The following NDFIP2 variants were observed in gnomAD, a reference collection of about 807,000 sequenced individuals.
NDFIP2 encodes Nedd4 family interacting protein 2.
NDFIP2 carries 19 observed loss-of-function variants against 36.0 expected under a neutral mutation model. That is an observed-to-expected ratio of 0.53 (90% CI 0.37 to 0.77). NDFIP2 has a LOEUF of 0.77. Ranked by LOEUF, NDFIP2 falls within the 30% of genes least tolerant of loss-of-function variation. The probability of loss-of-function intolerance (pLI) is 0.00; values close to 1 mark genes in which losing one functional copy is unlikely to be tolerated. For synonymous variants in NDFIP2, 181 were observed against 167.7 expected (o/e 1.08, Z -0.61); for missense variants, 446 against 435.8 (o/e 1.02, Z -0.21).
intron 1 of NDFIP2, among the ~76,000 whole-genome samples, chr13:79,490,676 C>T (rs1333594111): frequency 6.6e-6 from 1 of 152,124 alleles, no homozygotes; most frequent in Non-Finnish European, 1.5e-5. Context: ...AGTTTGCCCA[C>T]CCCAATGTAG....
chr13:79,532,650 G>A (rs564147161), intron 2 of NDFIP2, among the ~76,000 whole-genome samples: 1 of 152,152 alleles, frequency 6.6e-6, no homozygotes, highest in Non-Finnish European at 1.5e-5. Context: ...GGAAGAGAAA[G>A]GGACAAGAGT....
intron 1 of NDFIP2, among the ~76,000 whole-genome samples, chr13:79,493,168 A>G (rs938047898): frequency 1.3e-5 from 2 of 152,182 alleles, no homozygotes; most frequent in Non-Finnish European, 1.5e-5. Context: ...TGGTCCTGTT[A>G]TAGGTGCAAA....
intron 3 of NDFIP2, among the ~76,000 whole-genome samples, chr13:79,535,402 A>C (rs1875196113): frequency 6.6e-6 from 1 of 152,200 alleles, no homozygotes; most frequent in African/African-American, 2.4e-5. Flanking sequence ...GAAAAGTCTG[A>C]AGTATTACTG....
chr13:79,531,584 G>A (rs918705589), intron 2 of NDFIP2, among the ~76,000 whole-genome samples: 1 of 152,158 alleles, frequency 6.6e-6, no homozygotes, highest in Non-Finnish European at 1.5e-5. Flanking sequence ...CAGCTTCTAC[G>A]TCAGCACTCG....
chr13:79,496,702 C>G (rs956149586), intron 1 of NDFIP2, among the ~76,000 whole-genome samples: 2 of 151,940 alleles, frequency 1.3e-5, no homozygotes, highest in Non-Finnish European at 2.9e-5. Context: ...TTTAAACTCA[C>G]TGTGGCTCTG....
intron 1 of NDFIP2, among the ~76,000 whole-genome samples, chr13:79,514,352 G>A (rs1475973503): frequency 6.6e-6 from 1 of 152,146 alleles, no homozygotes; most frequent in African/African-American, 2.4e-5. Context: ...CTGAAGCAGA[G>A]TACTTTGGGG....
chr13:79,525,928 A>G (rs1874777037), intron 2 of NDFIP2, among the ~76,000 whole-genome samples: 1 of 152,222 alleles, frequency 6.6e-6, no homozygotes, highest in Non-Finnish European at 1.5e-5. Context: ...GGCCATCTCC[A>G]TGTTCTGAAA....
chr13:79,514,770 A>G (rs1485364327), intron 1 of NDFIP2, among the ~76,000 whole-genome samples: 1 of 152,228 alleles, frequency 6.6e-6, no homozygotes, highest in Admixed American at 6.5e-5. Flanking sequence ...TAGTCTGACA[A>G]TAAAGTTTTG....
At chr13:79,534,894 A>G (rs1349791015) in intron 3 of NDFIP2, among the ~76,000 whole-genome samples, 1 of 152,220 alleles carries the variant, frequency 6.6e-6, no homozygotes. Flanking sequence ...ACCCTCTTCC[A>G]GCACACACAG....
chr13:79,533,280 T>G, intron 2 of NDFIP2, 43 bp from the exon 3 acceptor site: 2 of 1,574,722 alleles, frequency 1.3e-6, no homozygotes, highest in South Asian at 2.4e-5. Flanking sequence ...GCTACAAAAT[T>G]AAATAGATTT....
intron 1 of NDFIP2, among the ~76,000 whole-genome samples, chr13:79,514,213 A>G (rs1233535641): frequency 1.3e-5 from 2 of 152,230 alleles, no homozygotes; most frequent in Admixed American, 6.5e-5. Context: ...ACATATTAAG[A>G]AAAGTAGTAC....
At chr13:79,498,546 A>T (rs1024778273) in intron 1 of NDFIP2, among the ~76,000 whole-genome samples, 8 of 151,982 alleles carry the variant, frequency 5.3e-5, no homozygotes, top group Non-Finnish European at 1.5e-5. Context: ...ATAGTTCTGG[A>T]TGCTGGGAAG....
rs148706703 is a variant in NDFIP2, at chr13:79,492,147, T to C, written c.321+10623T>C. ...AGGGAGTGAACTGGATTTCATTTTG[T>C]AAAAGAATCTTCTAATGTGATGGTA... On this transcript the variant is annotated intron_variant, in intron 1 of 7. Transcript: ENST00000218652. Among the ~76,000 whole-genome samples the C allele has an allele frequency of 1.2e-3, 181 of 152,306 alleles. 1 individual carries two copies. Among genetic ancestry groups the C allele is most frequent in the African/African-American group, 4.2e-3 (173 of 41,560 alleles).
Position 79,552,969 on chromosome 13 carries a change from A to G in NDFIP2, c.*456A>G, listed in dbSNP as rs2137122574. On this transcript the variant is annotated 3_prime_UTR_variant, in exon 8 of 8. Coordinates refer to ENST00000218652, the MANE Select transcript of NDFIP2 (RefSeq NM_019080.3). ...TCTTAGACTCATCTGGCAGTTCTACACATGAAACATCTTTTGTTATATAAG... is the reference window on the plus strand; with the variant it reads ...TCTTAGACTCATCTGGCAGTTCTACGCATGAAACATCTTTTGTTATATAAG... 1 of 152,010 alleles carries G rather than the reference A, an allele frequency of 6.6e-6. No homozygotes were observed. Among genetic ancestry groups the G allele is most frequent in the East Asian group, 1.9e-4 (1 of 5,182 alleles). The allele number at this position is 152,010 out of a possible 1,614,324, so 9.4% of individuals were successfully genotyped here. A position where few individuals can be genotyped will look rare whatever the true frequency, so the allele number is the denominator to read the frequency against.
chr13:79,532,762 G>A (rs1850432551), intron 2 of NDFIP2, among the ~76,000 whole-genome samples: 1 of 152,140 alleles, frequency 6.6e-6, no homozygotes, highest in African/African-American at 2.4e-5. Context: ...ATTACCCCTT[G>A]TATGTTATCG....
intron 1 of NDFIP2, among the ~76,000 whole-genome samples, chr13:79,482,502 A>G (rs1454819265): frequency 1.3e-5 from 2 of 152,116 alleles, no homozygotes; most frequent in Admixed American, 1.3e-4. Context: ...CTTTCAGCCC[A>G]TTTACTGAGG....
intron 1 of NDFIP2, among the ~76,000 whole-genome samples, chr13:79,514,668 A>G (rs1255434199): frequency 1.3e-5 from 2 of 152,220 alleles, no homozygotes; most frequent in Admixed American, 6.5e-5. Flanking sequence ...ATATAAATAC[A>G]GATTCCTTTT....
chr13:79,535,841 C>T (rs763629222), intron 3 of NDFIP2, among the ~76,000 whole-genome samples: 4 of 152,154 alleles, frequency 2.6e-5, no homozygotes, highest in African/African-American at 4.8e-5. Context: ...AGCCACTCCA[C>T]AATGTATACA....
intron 2 of NDFIP2, among the ~76,000 whole-genome samples, chr13:79,532,127 A>G (rs994442367): frequency 2.0e-5 from 3 of 152,382 alleles, no homozygotes; most frequent in Admixed American, 2.0e-4. Flanking sequence ...ACAGATCACC[A>G]TAAAAGATAC....
Sources: allele counts gnomAD v4.1 joint callset (sites outside exome capture counted in the v4.1 genomes callset), GRCh38; gene constraint gnomAD v4.1.1; transcripts MANE v1.5; gene names NCBI Gene and HGNC (gene_info 2026-07-23, HGNC 2026-07-21).